Variants in PAH observed in about 807,000 individuals in gnomAD.
The protein encoded by PAH is phenylalanine hydroxylase, also known as phenylalanine-4-hydroxylase.
Under a neutral mutation model 62.0 loss-of-function variants are expected in PAH, and 64 were observed. The ratio of observed to expected loss-of-function variants is 1.03; its 90% CI spans 0.84 to 1.27. The LOEUF (loss-of-function observed/expected upper bound fraction) is 1.27. Ranked by LOEUF, PAH falls within the 50% of genes most tolerant of loss-of-function variation. The probability of loss-of-function intolerance (pLI) is 0.00; values close to 1 mark genes in which losing one functional copy is unlikely to be tolerated. For synonymous variants in PAH, 195 were observed against 196.2 expected, an observed-to-expected ratio of 0.99 and a Z score of 0.05; for missense variants, 579 against 542.8, an observed-to-expected ratio of 1.07 and a Z score of -0.66.
intron 2 of PAH, among the ~76,000 whole-genome samples, chr12:102,910,969 C>G (rs1878180407): frequency 6.6e-6 from 1 of 152,164 alleles, no homozygotes; most frequent in African/African-American, 2.4e-5. Flanking sequence ...GGAGATCTGG[C>G]AGGGGATTTG....
intron 1 of PAH, among the ~76,000 whole-genome samples, chr12:102,923,374 A>C (rs1192108070): frequency 6.6e-6 from 1 of 152,220 alleles, no homozygotes; most frequent in African/African-American, 2.4e-5. Context: ...CACGTTAATC[A>C]CACATTGCAC....
intron 1 of PAH, among the ~76,000 whole-genome samples, chr12:102,936,748 A>T (rs777746979): frequency 1.4e-4 from 21 of 151,484 alleles, no homozygotes; most frequent in Non-Finnish European, 2.4e-4. Context: ...CTATTTCTTT[A>T]TTTTTAGTCT....
chr12:102,868,053 T>TATATACAC lies in PAH; in HGVS notation c.442-1391_442-1390insGTGTATAT, dbSNP rs1565854693. On this transcript the variant is annotated intron_variant, in intron 4 of 12. Transcript: ENST00000553106. ...ATGTATATACACCTATATATATGTA[T>TATATACAC]ATATATACACATATATATACATATA... Among the ~76,000 whole-genome samples, 2 of 127,280 alleles carry TATATACAC rather than the reference T, an allele frequency of 1.6e-5. 1 individual carries two copies. The highest frequency in any genetic ancestry group is 6.6e-5 in the African/African-American group (2 of 30,486). 83.5% of individuals were successfully genotyped at this position (127,280 alleles called of 152,430 possible).
chr12:102,945,630 A>G (rs986218378), intron 1 of PAH, among the ~76,000 whole-genome samples: 1 of 152,036 alleles, frequency 6.6e-6, no homozygotes, highest in African/African-American at 2.4e-5. Flanking sequence ...TCTTCACTCA[A>G]GGGCTAGGGG....
chr12:102,885,669 C>T (rs1022223832), intron 3 of PAH, among the ~76,000 whole-genome samples: 4 of 152,172 alleles, frequency 2.6e-5, no homozygotes, highest in Non-Finnish European at 4.4e-5. Context: ...AGGAGCACCA[C>T]TGAGCAAAAG....
At position 102,912,813 on chromosome 12, in the gene PAH, G is replaced by T. The variant is rs1878253465; in HGVS notation, c.146C>A (p.Ala49Asp). Residue 49 changes from alanine to aspartate, a missense_variant, in exon 2 of 13, where the codon GCC becomes GAC. Ala to Asp is a moderately radical substitution (Grantham distance 126). Transcript: ENST00000553106. ...GACCTCAAATAAGCGCAATACTTTG[G>T]CCAATGCACCAACTTCTTCTTTGAG... ...FSLKEEVGAL[A>D]KVLRLFEEND... The T allele has an allele frequency of 1.2e-6, 2 of 1,612,642 alleles. No individual in the cohort carries two copies. Among genetic ancestry groups the T allele is most frequent in the Non-Finnish European group, 1.7e-6 (2 of 1,178,802 alleles).
intron 1 of PAH, among the ~76,000 whole-genome samples, chr12:102,937,033 G>C (rs374541269): frequency 6.6e-6 from 1 of 152,144 alleles, no homozygotes; most frequent in Non-Finnish European, 1.5e-5. Context: ...TTTATAAGGG[G>C]CTTTTCCCCC....
intron 2 of PAH, among the ~76,000 whole-genome samples, chr12:102,902,535 G>T (rs77688177): frequency 0.11 from 16,142 of 152,218 alleles, 1,006 homozygotes; most frequent in Non-Finnish European, 0.14. Flanking sequence ...TGGAGAAGTC[G>T]CAAGGAGATA....
At chr12:102,947,642 A>T (rs574160826) in intron 1 of PAH, among the ~76,000 whole-genome samples, 10 of 152,358 alleles carry the variant, frequency 6.6e-5, no homozygotes, top group South Asian at 4.1e-4. Context: ...TCAAGAAGAG[A>T]TGAGTGATCA....
chr12:102,842,330 G>A (rs1467660789), intron 11 of PAH, among the ~76,000 whole-genome samples: 1 of 152,166 alleles, frequency 6.6e-6, no homozygotes, highest in Admixed American at 6.6e-5. Context: ...GAGCCAGAAG[G>A]ACTTGAGAGC....
At chr12:102,905,386 A>G (rs1877934423) in intron 2 of PAH, among the ~76,000 whole-genome samples, 1 of 152,050 alleles carries the variant, frequency 6.6e-6, no homozygotes, top group Non-Finnish European at 1.5e-5. Flanking sequence ...ACAGGGTACC[A>G]AGATCTACCA....
At position 102,868,621 on chromosome 12, in the gene PAH, G is replaced by A. The variant is rs1439030734; in HGVS notation, c.442-1958C>T. On this transcript the variant is annotated intron_variant, in intron 4 of 12. Transcript: ENST00000553106. Reference sequence around the variant, plus strand: ...GTACTTAAAACTACTGTTGTGCCTCGTTTCTACTGGGTGAAGGTAAGTTGG... The same window carrying A: ...GTACTTAAAACTACTGTTGTGCCTCATTTCTACTGGGTGAAGGTAAGTTGG... Among the ~76,000 whole-genome samples the A allele has an allele frequency of 8.6e-5, 13 of 151,374 alleles. 1 individual carries two copies. Among genetic ancestry groups the A allele is most frequent in the South Asian group, 8.4e-4 (4 of 4,786 alleles).
At chr12:102,861,730 G>A (rs1358655241) in intron 5 of PAH, among the ~76,000 whole-genome samples, 1 of 151,986 alleles carries the variant, frequency 6.6e-6, no homozygotes, top group African/African-American at 2.4e-5. Context: ...CTATCGCAGG[G>A]ACAGAAAACC....
chr12:102,898,593 C>T (rs6539058), intron 2 of PAH, among the ~76,000 whole-genome samples: 51,820 of 152,032 alleles, frequency 0.34, 10,444 homozygotes, highest in East Asian at 0.76. Context: ...TGTAGTGATG[C>T]CTTTTCATAC....
At chr12:102,843,862 C>T in intron 10 of PAH, 83 bp from the exon 11 acceptor site, 1 of 1,453,274 alleles carries the variant, frequency 6.9e-7, no homozygotes, top group East Asian at 2.3e-5. Flanking sequence ...CATTTGTGCC[C>T]CTTCTCTCAT....
chr12:102,851,875 C>A, intron 7 of PAH, 119 bp from the exon 8 acceptor site: 1 of 758,120 alleles, frequency 1.3e-6, no homozygotes, highest in East Asian at 2.6e-5. Context: ...GGCTTATGAT[C>A]CCTCTCCCAG....
At chr12:102,924,229 A>G (rs1200989457) in intron 1 of PAH, among the ~76,000 whole-genome samples, 1 of 152,230 alleles carries the variant, frequency 6.6e-6, no homozygotes, top group Admixed American at 6.5e-5. Context: ...GTGAGTATTG[A>G]ATCTAATGCT....
chr12:102,852,876 G>C lies in PAH; in HGVS notation c.781C>G (p.Arg261Gly), dbSNP rs5030850. ...SRDFLGGLAF[R>G]VFHCTQYIRH... ...ATGTACTGTGTGCAGTGGAAGACTC[G>C]GAAGGCCAGGCCACCCAAGAAATCC... is the stretch of plus-strand genomic sequence containing the variant. The change falls in exon 7 of 13, where the codon CGA (arginine) becomes GGA (glycine). Residue 261 changes from arginine (R) to glycine (G), a missense_variant. Transcript: ENST00000553106. 1 of 1,614,072 alleles carries C rather than the reference G, an allele frequency of 6.2e-7. No individual in the cohort carries two copies. The highest frequency in any genetic ancestry group is 2.2e-5 in the East Asian group (1 of 44,878).
intron 2 of PAH, among the ~76,000 whole-genome samples, chr12:102,904,107 T>A (rs1877877133): frequency 6.6e-6 from 1 of 152,204 alleles, no homozygotes; most frequent in African/African-American, 2.4e-5. Flanking sequence ...TTTGGTATAC[T>A]CCTAATCATT....
Sources: allele counts gnomAD v4.1 joint callset (sites outside exome capture counted in the v4.1 genomes callset), GRCh38; gene constraint gnomAD v4.1.1; transcripts MANE v1.5; gene names NCBI Gene and HGNC (gene_info 2026-07-23, HGNC 2026-07-21).